Variants in FRMD4B observed in about 807,000 individuals in gnomAD.
The protein encoded by FRMD4B is FERM domain containing 4B.
In FRMD4B, 74 loss-of-function variants were observed where a neutral mutation model predicts 141.5. The ratio of observed to expected loss-of-function variants is 0.52; its 90% CI spans 0.43 to 0.63. The LOEUF (loss-of-function observed/expected upper bound fraction) is 0.63. Among genes scored for constraint, FRMD4B ranks in the 30% least tolerant of loss-of-function variants. FRMD4B has a pLI of 0.00. For synonymous variants in FRMD4B, 506 were observed against 467.9 expected (o/e 1.08, Z -1.05); for missense variants, 1,366 against 1,253.4 (o/e 1.09, Z -1.36).
intron 1 of FRMD4B, among the ~76,000 whole-genome samples, chr3:69,466,803 C>G (rs923186002): frequency 6.6e-6 from 1 of 152,172 alleles, no homozygotes; most frequent in Non-Finnish European, 1.5e-5. Context: ...TTCACTGATC[C>G]TCCCATCTCA....
chr3:69,290,337 G>C (rs778281816), intron 4 of FRMD4B, among the ~76,000 whole-genome samples: 4 of 152,184 alleles, frequency 2.6e-5, no homozygotes, highest in Non-Finnish European at 5.9e-5. Flanking sequence ...CAGAAATTAC[G>C]AGGCAGCAGA....
chr3:69,221,472 C>T (rs1186183574), intron 9 of FRMD4B, among the ~76,000 whole-genome samples: 1 of 152,120 alleles, frequency 6.6e-6, no homozygotes, highest in Admixed American at 6.6e-5. Flanking sequence ...TAAATTACTT[C>T]CCAATGAGAT....
intron 1 of FRMD4B, among the ~76,000 whole-genome samples, chr3:69,486,935 T>C (rs1053687512): frequency 6.6e-6 from 1 of 152,142 alleles, no homozygotes; most frequent in Admixed American, 6.5e-5. Context: ...AGACAAAACA[T>C]GCCCCTGCCC....
chr3:69,385,917 C>A lies in FRMD4B; in HGVS notation c.73G>T (p.Val25Leu), dbSNP rs1189353932. Reference protein sequence around the residue: ...SGSRFVWNLTVSTLRRWYTER... With the variant: ...SGSRFVWNLTLSTLRRWYTER... Reference sequence around the variant, plus strand: ...GTGTACCATCTCCGCAGCGTGGACACGGTCAAGTTCCATACGAAGCGGCTG... The same window carrying A: ...GTGTACCATCTCCGCAGCGTGGACAAGGTCAAGTTCCATACGAAGCGGCTG... Residue 25 changes from valine to leucine, a missense_variant, in exon 1 of 23, where the codon GTG (valine) becomes TTG (leucine). Transcript: ENST00000398540. 4 of 1,604,958 alleles carry A rather than the reference C, an allele frequency of 2.5e-6. No individual in the cohort carries two copies. The highest frequency in any genetic ancestry group is 3.4e-6 in the Non-Finnish European group (4 of 1,176,234).
intron 11 of FRMD4B, among the ~76,000 whole-genome samples, chr3:69,202,643 CTA>C: frequency 6.6e-6 from 1 of 152,194 alleles, no homozygotes; most frequent in South Asian, 2.1e-4. Flanking sequence ...AGTTTGAACA[CTA>C]TGTTGTTTTT....
intron 1 of FRMD4B, among the ~76,000 whole-genome samples, chr3:69,369,764 CT>C (rs1703773678): frequency 2.0e-5 from 3 of 152,138 alleles, no homozygotes; most frequent in Non-Finnish European, 4.4e-5. Flanking sequence ...AGTTAAGATT[CT>C]TTGTATCCTG....
chr3:69,271,092 C>T (rs2093592509), intron 5 of FRMD4B, among the ~76,000 whole-genome samples: 1 of 152,064 alleles, frequency 6.6e-6, no homozygotes, highest in Non-Finnish European at 1.5e-5. Flanking sequence ...AGCTGTAATG[C>T]AATTCTTGTA....
chr3:69,190,406 C>CTTT (rs59199350), intron 17 of FRMD4B, among the ~76,000 whole-genome samples: 1 of 144,482 alleles, frequency 6.9e-6, no homozygotes, highest in Non-Finnish European at 1.5e-5. Flanking sequence ...AAGAAAAGGC[C>CTTT]TTTTTTTTTT....
chr3:69,250,283 G>A, intron 5 of FRMD4B, 184 bp from the exon 6 acceptor site: 1 of 495,390 alleles, frequency 2.0e-6, no homozygotes, highest in South Asian at 2.0e-5. Context: ...CGAAACCACT[G>A]TGTGTGCGTG....
At chr3:69,415,944 C>T (rs1704851582) in intron 2 of FRMD4B, among the ~76,000 whole-genome samples, 1 of 152,164 alleles carries the variant, frequency 6.6e-6, no homozygotes, top group African/African-American at 2.4e-5. Context: ...ATCTTTTATT[C>T]TCTATGAAAT....
intron 5 of FRMD4B, among the ~76,000 whole-genome samples, chr3:69,256,805 C>T (rs1437204376): frequency 6.6e-6 from 1 of 152,196 alleles, no homozygotes; most frequent in Non-Finnish European, 1.5e-5. Flanking sequence ...ATTTGCACCC[C>T]ACTCCTACTC....
intron 1 of FRMD4B, among the ~76,000 whole-genome samples, chr3:69,330,785 C>T (rs1052271078): frequency 3.3e-5 from 5 of 152,188 alleles, no homozygotes; most frequent in Admixed American, 2.6e-4. Flanking sequence ...GCGTGTGCCA[C>T]CACGCCCGGC....
At chr3:69,483,918 T>A (rs898409857) in intron 1 of FRMD4B, among the ~76,000 whole-genome samples, 40 of 151,926 alleles carry the variant, frequency 2.6e-4, no homozygotes, top group Non-Finnish European at 5.4e-4. Flanking sequence ...CTCAGTGAGG[T>A]TTTTGTCGGT....
chr3:69,358,545 G>A (rs1703387923), intron 1 of FRMD4B, among the ~76,000 whole-genome samples: 1 of 152,092 alleles, frequency 6.6e-6, no homozygotes, highest in Admixed American at 6.5e-5. Context: ...AGACCAGCCT[G>A]GGCAATATAG....
At chr3:69,319,868 C>T (rs545678513) in intron 1 of FRMD4B, among the ~76,000 whole-genome samples, 6 of 152,286 alleles carry the variant, frequency 3.9e-5, no homozygotes, top group Admixed American at 2.6e-4. Flanking sequence ...ACTTCCCACG[C>T]AGCCCATTTT....
At chr3:69,353,633 G>A in intron 1 of FRMD4B, 2 of 984,670 alleles carry the variant, frequency 2.0e-6, no homozygotes, top group South Asian at 4.7e-5. Context: ...TGTGCGGTGT[G>A]TGTGTGTGTG....
In FRMD4B at chr3:69,343,597, T is replaced by G. The variant is rs933232573; in HGVS notation, c.163-30080A>C. On this transcript the variant is annotated intron_variant, in intron 1 of 22. Transcript: ENST00000398540. ...TTTTTGTTTTTTTTTTTTTTTTTTTTTAGACGGGGTCTCGCTCTGTCACCC... is the reference window on the plus strand; with the variant it reads ...TTTTTGTTTTTTTTTTTTTTTTTTTGTAGACGGGGTCTCGCTCTGTCACCC... Among the ~76,000 whole-genome samples, 80 of 127,484 alleles carry G rather than the reference T, an allele frequency of 6.3e-4. 1 individual carries two copies. Among genetic ancestry groups the G allele is most frequent in the Admixed American group, 3.7e-3 (46 of 12,530 alleles). 83.6% of individuals were successfully genotyped at this position (127,484 alleles called of 152,430 possible).
chr3:69,486,684 G>A (rs893375818), intron 1 of FRMD4B, among the ~76,000 whole-genome samples: 19 of 152,170 alleles, frequency 1.2e-4, no homozygotes, highest in African/African-American at 3.9e-4. Context: ...TACTACATGG[G>A]GAGGAAAGCA....
chr3:69,266,235 G>GAA (rs1163297984), intron 5 of FRMD4B, among the ~76,000 whole-genome samples: 124 of 151,814 alleles, frequency 8.2e-4, no homozygotes, highest in South Asian at 2.5e-3. Context: ...AAGTGGTGAG[G>GAA]ACAAGCCATA....
Sources: gnomAD v4.1 joint callset for allele counts (sites outside exome capture counted in the v4.1 genomes callset) on GRCh38, gnomAD v4.1.1 for gene constraint, MANE v1.5 for transcripts, NCBI Gene and HGNC (gene_info 2026-07-23, HGNC 2026-07-21) for gene names.